The following FMO1 variants were observed in gnomAD, a reference collection of about 807,000 sequenced individuals.
FMO1 encodes flavin-containing monooxygenase 1.
FMO1 carries 36 observed loss-of-function variants against 45.4 expected under a neutral mutation model. That is an observed-to-expected ratio of 0.79 (90% CI 0.61 to 1.05). FMO1 has a LOEUF of 1.05. Among genes scored for constraint, FMO1 ranks in the 50% least tolerant of loss-of-function variants. FMO1 has a pLI of 0.00. For synonymous variants in FMO1, 228 were observed against 227.2 expected, an observed-to-expected ratio of 1.00 and a Z score of -0.03; for missense variants, 615 against 640.3, an observed-to-expected ratio of 0.96 and a Z score of 0.43.
intron 6 of FMO1, among the ~76,000 whole-genome samples, 187 bp downstream of exon 6, chr1:171,281,172 T>C (rs1351430525): frequency 6.6e-6 from 1 of 152,196 alleles, no homozygotes; most frequent in Non-Finnish European, 1.5e-5. Flanking sequence ...TATTTCACCT[T>C]GTCAGCAACA....
rs536396007 is a variant in FMO1 at position 171,268,489 on chromosome 1, G to A, written c.321+758G>A. ...AGAAATCTTTTCTAGATATTCTTGA[G>A]AATAGAAAAATCTTTGAATATTGTT... On this transcript the variant is annotated intron_variant, in intron 3 of 8. Transcript: ENST00000617670. Among the ~76,000 whole-genome samples the A allele has an allele frequency of 2.0e-5, 3 of 152,296 alleles. No individual in the cohort carries two copies. In the East Asian group the frequency reaches 5.8e-4, roughly 29 times the overall value.
At chr1:171,275,544 C>T (rs1274618249) in intron 4 of FMO1, 36 bp downstream of exon 4, 5 of 1,506,920 alleles carry the variant, frequency 3.3e-6, no homozygotes, top group South Asian at 1.2e-5. Flanking sequence ...TAAGTTTTCT[C>T]GTGGGAGCCA....
Position 171,275,397 on chromosome 1 carries a change from T to A in FMO1, c.373T>A (p.Trp125Arg). 6.2e-7 allele frequency: 1 copy of A among 1,613,872 alleles called. No individual in the cohort carries two copies. Among genetic ancestry groups the A allele is most frequent in the Non-Finnish European group, 8.5e-7 (1 of 1,179,790 alleles). ...CTCAGATTCTGCTGTCTCTGGCCAA[T>A]GGGAGGTGGTCACTATGCATGAAGA... The part of the protein sequence containing the change: ...KCSDSAVSGQ[W>R]EVVTMHEEKQ... Residue 125 changes from tryptophan (W) to arginine (R), a missense_variant, in exon 4 of 9, where the codon TGG becomes AGG. By Grantham distance (101) the Trp-to-Arg change is moderately radical (BLOSUM62 -3). Transcript: ENST00000617670.
chr1:171,283,157 AC>A lies in FMO1; in HGVS notation c.1199del (p.Pro400HisfsTer6). 6.4e-7 allele frequency: 1 copy of A among 1,573,516 alleles called. No individual in the cohort carries two copies. Among genetic ancestry groups the A allele is most frequent in the Non-Finnish European group, 8.7e-7 (1 of 1,151,548 alleles). Reference sequence around the variant, plus strand: ...TTAATCCTACAGGTGTAAATAAGTTACCACCACCAAGTGTCATGATAGAGGA... The same window carrying A: ...TTAATCCTACAGGTGTAAATAAGTTACACCACCAAGTGTCATGATAGAGGA... ...VRVLKGVNKLPPPSVMIEEIN... is the reference protein window; with the variant it reads ...VRVLKGVNKLXPPSVMIEEIN... On this transcript the variant is annotated frameshift_variant, in exon 8 of 9. Coordinates refer to ENST00000617670, the MANE Select transcript of FMO1 (RefSeq NM_001282693.2). LOFTEE classifies it high-confidence loss of function.
At chr1:171,284,279 A>G (rs1230035406) in intron 8 of FMO1, among the ~76,000 whole-genome samples, 1 of 151,994 alleles carries the variant, frequency 6.6e-6, no homozygotes, top group African/African-American at 2.4e-5. Context: ...GGGTTGATCT[A>G]TCCTTGTCAA....
intron 2 of FMO1, among the ~76,000 whole-genome samples, chr1:171,262,756 A>T (rs28384868): frequency 6.6e-6 from 1 of 152,138 alleles, no homozygotes; most frequent in Admixed American, 6.5e-5. Context: ...CTAGTGGGGT[A>T]CCCCTGACAG....
chr1:171,284,314 A>G (rs1661527081), intron 8 of FMO1, among the ~76,000 whole-genome samples: 1 of 152,186 alleles, frequency 6.6e-6, no homozygotes, highest in African/African-American at 2.4e-5. Context: ...AAACAATAAT[A>G]GCATTTTAGA....
In FMO1 at chr1:171,274,405, C is replaced by T. The variant is rs544994454; in HGVS notation, c.322-941C>T. 2.0e-5 allele frequency among the ~76,000 whole-genome samples: 3 copies of T among 152,068 alleles called. No homozygotes were observed. The East Asian group carries it at 5.8e-4, about 30-fold the overall frequency. On this transcript the variant is annotated intron_variant, in intron 3 of 8. Coordinates refer to ENST00000617670, the MANE Select transcript of FMO1 (RefSeq NM_001282693.2). ...CCTCCTGAGTAGCTGGGACTACAGG[C>T]ATGGGCCACCACACCTGGGTAATTT... is the stretch of plus-strand genomic sequence containing the variant.
intron 1 of FMO1, among the ~76,000 whole-genome samples, chr1:171,253,182 A>G (rs1659975699): frequency 6.6e-6 from 1 of 152,156 alleles, no homozygotes; most frequent in Admixed American, 6.5e-5. Flanking sequence ...TCTTTCTTCT[A>G]TCATCATTCT....
intron 5 of FMO1, among the ~76,000 whole-genome samples, chr1:171,279,706 A>G (rs1179710038): frequency 6.6e-6 from 1 of 152,214 alleles, no homozygotes; most frequent in Non-Finnish European, 1.5e-5. Context: ...TGCTCTCATT[A>G]TAGCACTCTC....
chr1:171,262,819 A>C (rs1660431334), intron 2 of FMO1, among the ~76,000 whole-genome samples: 1 of 152,130 alleles, frequency 6.6e-6, no homozygotes, highest in African/African-American at 2.4e-5. Flanking sequence ...ATTTCCTCTG[A>C]GGTTTCCACA....
intron 3 of FMO1, among the ~76,000 whole-genome samples, chr1:171,270,001 G>A (rs1558011234): frequency 6.6e-6 from 1 of 152,152 alleles, no homozygotes; most frequent in Non-Finnish European, 1.5e-5. Context: ...TGAGACTAAT[G>A]TCAACAAAAA....
intron 2 of FMO1, 42 bp downstream of exon 2, chr1:171,258,261 G>A: frequency 3.8e-6 from 6 of 1,599,686 alleles, no homozygotes; most frequent in Non-Finnish European, 5.1e-6. Context: ...ATTGGAGAAT[G>A]GCTTGGCAGC....
rs1660355202 is a variant in FMO1 at position 171,260,926 on chromosome 1, A to G, written c.132+2707A>G. Among the ~76,000 whole-genome samples, 3 of 151,344 alleles carry G rather than the reference A, an allele frequency of 2.0e-5. 1 individual carries two copies. ...AGGCTCCATCTCAAAAAAAAAAAAAAAAAAAAAAAGAATATTGTGGAGAAT... is the reference window on the plus strand; with the variant it reads ...AGGCTCCATCTCAAAAAAAAAAAAAGAAAAAAAAAGAATATTGTGGAGAAT... On this transcript the variant is annotated intron_variant, in intron 2 of 8. Transcript: ENST00000617670.
At chr1:171,283,378 G>C (rs11589287) in intron 8 of FMO1, among the ~76,000 whole-genome samples, 162 bp downstream of exon 8, 1 of 140,972 alleles carries the variant, frequency 7.1e-6, no homozygotes, top group Non-Finnish European at 1.5e-5. Flanking sequence ...AGACTTACAA[G>C]AAAAATACTA....
intron 3 of FMO1, chr1:171,271,006 T>G: frequency 1.0e-6 from 1 of 979,414 alleles, no homozygotes; most frequent in South Asian, 1.4e-5. Flanking sequence ...ATCATAATCT[T>G]CTTCATCTTC....
chr1:171,259,460 C>T (rs957538623), intron 2 of FMO1, among the ~76,000 whole-genome samples: 2 of 152,210 alleles, frequency 1.3e-5, no homozygotes, highest in African/African-American at 4.8e-5. Flanking sequence ...CCAAAAATCT[C>T]CCCACTCCCA....
At chr1:171,253,124 T>C (rs540904246) in intron 1 of FMO1, among the ~76,000 whole-genome samples, 1 of 152,292 alleles carries the variant, frequency 6.6e-6, no homozygotes, top group East Asian at 1.9e-4. Context: ...ACAAAAAACC[T>C]TTCAGGGTGA....
At chr1:171,285,166 G>A (rs746870598) in intron 8 of FMO1, 36 bp from the exon 9 acceptor site, 2 of 1,384,250 alleles carry the variant, frequency 1.4e-6, no homozygotes, top group South Asian at 1.4e-5. Context: ...CAGTTTTTTT[G>A]TCTTCACCTT....
Sources: gnomAD v4.1 joint callset for allele counts (sites outside exome capture counted in the v4.1 genomes callset) on GRCh38, gnomAD v4.1.1 for gene constraint, MANE v1.5 for transcripts, NCBI Gene and HGNC (gene_info 2026-07-23, HGNC 2026-07-21) for gene names.